The following EPHA3 variants were observed in gnomAD, a reference collection of about 807,000 sequenced individuals.
EPHA3 encodes the protein EPH receptor A3.
EPHA3 carries 42 observed loss-of-function variants against 107.1 expected under a neutral mutation model. The ratio of observed to expected loss-of-function variants is 0.39; its 90% confidence interval spans 0.31 to 0.51. The LOEUF is 0.51. Among genes scored for constraint, EPHA3 ranks in the 20% least tolerant of loss-of-function variants. The pLI, the probability that EPHA3 is intolerant of heterozygous loss-of-function variation, is 0.78. For missense variants in EPHA3, 1,183 were observed against 1,211.2 expected (o/e 0.98, Z 0.35); for synonymous variants, 461 against 424.8 (o/e 1.09, Z -1.05).
At chr3:89,118,395 C>T (rs1707303929) in intron 1 of EPHA3, among the ~76,000 whole-genome samples, 1 of 151,682 alleles carries the variant, frequency 6.6e-6, no homozygotes, top group African/African-American at 2.4e-5. Flanking sequence ...CCAAATCATA[C>T]TAAATGTTTT....
At chr3:89,188,945 G>A (rs1705638766) in intron 2 of EPHA3, among the ~76,000 whole-genome samples, 1 of 152,144 alleles carries the variant, frequency 6.6e-6, no homozygotes, top group South Asian at 2.1e-4. Flanking sequence ...TTTGAAAAGT[G>A]TATGGTTCAT....
intron 3 of EPHA3, among the ~76,000 whole-genome samples, chr3:89,231,762 A>G (rs1437840376): frequency 1.3e-5 from 2 of 152,166 alleles, no homozygotes; most frequent in Non-Finnish European, 2.9e-5. Context: ...CAGATTAACA[A>G]GAGGAAATAA....
chr3:89,450,068 C>T, intron 14 of EPHA3, 109 bp from the exon 15 acceptor site: 2 of 876,216 alleles, frequency 2.3e-6, no homozygotes, highest in East Asian at 2.9e-5. Flanking sequence ...AGAAGTTTTC[C>T]CACTTACCTT....
At chr3:89,115,266 A>T (rs1383244650) in intron 1 of EPHA3, among the ~76,000 whole-genome samples, 10 of 149,430 alleles carry the variant, frequency 6.7e-5, no homozygotes, top group South Asian at 2.1e-4. Flanking sequence ...TTTTAGAAAA[A>T]TTTTCTTTAA....
intron 5 of EPHA3, among the ~76,000 whole-genome samples, chr3:89,371,803 A>G (rs1429403860): frequency 6.6e-6 from 1 of 151,542 alleles, no homozygotes; most frequent in East Asian, 1.9e-4. Context: ...AAGACTGGAT[A>G]ATTTATTATA....
chr3:89,308,154 A>G (rs1706671079), intron 3 of EPHA3, among the ~76,000 whole-genome samples: 1 of 152,178 alleles, frequency 6.6e-6, no homozygotes, highest in Non-Finnish European at 1.5e-5. Context: ...GTTGTGTGAA[A>G]TATTTAAAAG....
chr3:89,260,254 A>G (rs913057753), intron 3 of EPHA3, among the ~76,000 whole-genome samples: 2 of 152,152 alleles, frequency 1.3e-5, no homozygotes, highest in Non-Finnish European at 2.9e-5. Flanking sequence ...TGGAACCTCC[A>G]TGCTCTTTTC....
At chr3:89,209,041 G>T (rs936468040) in intron 2 of EPHA3, among the ~76,000 whole-genome samples, 11 of 152,126 alleles carry the variant, frequency 7.2e-5, no homozygotes, top group African/African-American at 2.7e-4. Flanking sequence ...TTGTCCTAAG[G>T]ATCACAGAAA....
chr3:89,330,558 A>T (rs1410281651), intron 3 of EPHA3, among the ~76,000 whole-genome samples: 1 of 152,132 alleles, frequency 6.6e-6, no homozygotes, highest in Non-Finnish European at 1.5e-5. Flanking sequence ...TTAATTCCTC[A>T]GAATAGAAAT....
chr3:89,282,356 G>A (rs1705969480), intron 3 of EPHA3, among the ~76,000 whole-genome samples: 1 of 152,132 alleles, frequency 6.6e-6, no homozygotes, highest in African/African-American at 2.4e-5. Flanking sequence ...GGAAATAGCA[G>A]ATATTTATTC....
chr3:89,248,064 C>T (rs1705077608), intron 3 of EPHA3, among the ~76,000 whole-genome samples: 1 of 152,170 alleles, frequency 6.6e-6, no homozygotes, highest in East Asian at 1.9e-4. Context: ...AATATTTTCT[C>T]AATATATCAA....
At chr3:89,134,024 A>T (rs1576173084) in intron 2 of EPHA3, among the ~76,000 whole-genome samples, 3 of 143,986 alleles carry the variant, frequency 2.1e-5, no homozygotes, top group Non-Finnish European at 1.5e-5. Context: ...TCAAAACAAC[A>T]TTTTTTTTTT....
intron 3 of EPHA3, 77 bp from the exon 4 acceptor site, chr3:89,340,839 G>A (rs555121330): frequency 1.4e-4 from 192 of 1,338,734 alleles, no homozygotes; most frequent in Non-Finnish European, 1.6e-4. Context: ...ATTCATATTC[G>A]AACTTACTTA....
chr3:89,450,048 A>T (rs1251277120), intron 14 of EPHA3, 129 bp from the exon 15 acceptor site: 1 of 658,996 alleles, frequency 1.5e-6, no homozygotes, highest in Non-Finnish European at 2.5e-6. Context: ...CTTTTAGGCA[A>T]CTAAAAATGA....
At chr3:89,112,290 G>T (rs1409071356) in intron 1 of EPHA3, among the ~76,000 whole-genome samples, 1 of 151,958 alleles carries the variant, frequency 6.6e-6, no homozygotes, top group South Asian at 2.1e-4. Context: ...TTTTGGTAAA[G>T]TTTTTCATTT....
At chr3:89,356,664 A>T (rs1262746745) in intron 5 of EPHA3, among the ~76,000 whole-genome samples, 1 of 151,180 alleles carries the variant, frequency 6.6e-6, no homozygotes, top group Non-Finnish European at 1.5e-5. Context: ...CGTTGCACAC[A>T]TATACATATG....
intron 3 of EPHA3, among the ~76,000 whole-genome samples, chr3:89,283,633 C>A (rs1210366929): frequency 1.3e-5 from 2 of 151,894 alleles, no homozygotes; most frequent in Non-Finnish European, 2.9e-5. Flanking sequence ...AAGGACAGGC[C>A]AAATTAGGTC....
chr3:89,349,671 G>T, intron 5 of EPHA3, among the ~76,000 whole-genome samples: 2 of 140,836 alleles, frequency 1.4e-5, no homozygotes, highest in South Asian at 2.3e-4. Flanking sequence ...GATGTTAGCT[G>T]GTGATTTTGC....
chr3:89,346,335 T>C (rs948517075), intron 5 of EPHA3, among the ~76,000 whole-genome samples: 37 of 136,484 alleles, frequency 2.7e-4, no homozygotes, highest in African/African-American at 1.0e-3. Context: ...TGGTATCTCA[T>C]AGTGGTTTTG....
Sources: gnomAD v4.1 joint callset for allele counts (sites outside exome capture counted in the v4.1 genomes callset) on GRCh38, gnomAD v4.1.1 for gene constraint, MANE v1.5 for transcripts, NCBI Gene and HGNC (gene_info 2026-07-23, HGNC 2026-07-21) for gene names.